Variants in PLEKHB2 observed in about 807,000 individuals in gnomAD.
PLEKHB2 encodes the protein pleckstrin homology domain containing B2, also known as pleckstrin homology domain-containing family B member 2.
Under a neutral mutation model 36.5 loss-of-function variants are expected in PLEKHB2, and 31 were observed. That is an observed-to-expected ratio of 0.85 (90% CI 0.64 to 1.15). PLEKHB2 has a LOEUF of 1.15. PLEKHB2 is among the 50% of genes most tolerant of loss of function. PLEKHB2 has a pLI of 0.00. For synonymous variants in PLEKHB2, 119 were observed against 112.0 expected, an observed-to-expected ratio of 1.06 and a Z score of -0.39; for missense variants, 262 against 295.3, an observed-to-expected ratio of 0.89 and a Z score of 0.83.
intron 5 of PLEKHB2, among the ~76,000 whole-genome samples, chr2:131,131,277 G>A (rs1697652104): frequency 6.6e-6 from 1 of 152,196 alleles, no homozygotes; most frequent in Non-Finnish European, 1.5e-5. Context: ...TTCCAGTGTT[G>A]CTTTCTAGAA....
At chr2:131,132,880 C>T in intron 5 of PLEKHB2, 22 bp from the exon 6 acceptor site, 1 of 1,437,750 alleles carries the variant, frequency 7.0e-7, no homozygotes, top group South Asian at 1.1e-5. Context: ...GTCCTGTCCT[C>T]ACCCTCTCCT....
At chr2:131,143,829 C>T (rs920902474) in intron 7 of PLEKHB2, among the ~76,000 whole-genome samples, 2 of 152,202 alleles carry the variant, frequency 1.3e-5, no homozygotes, top group African/African-American at 4.8e-5. Context: ...GGGCTGTTGC[C>T]GCTGTTTCTT....
chr2:131,118,044 G>A (rs1696063662), intron 1 of PLEKHB2, among the ~76,000 whole-genome samples: 1 of 152,190 alleles, frequency 6.6e-6, no homozygotes, highest in African/African-American at 2.4e-5. Flanking sequence ...CCATCATGCT[G>A]CTTAGTAGAA....
chr2:131,145,905 G>A lies in PLEKHB2; in HGVS notation c.533-732G>A, dbSNP rs556894390. ...GCAGTAAAAAAGAGTAGGCCGGGCC[G>A]GGCGTGGTGGCTCATGCCTGTAATC... On this transcript the variant is annotated intron_variant, in intron 7 of 7. Transcript: ENST00000693505. 3.9e-5 allele frequency among the ~76,000 whole-genome samples: 6 copies of A among 152,048 alleles called. No individual in the cohort carries two copies. In the South Asian group the frequency reaches 8.3e-4, roughly 21 times the overall value.
chr2:131,110,317 GTTT>G, intron 1 of PLEKHB2, among the ~76,000 whole-genome samples: 1 of 129,432 alleles, frequency 7.7e-6, no homozygotes, highest in African/African-American at 2.8e-5. Flanking sequence ...AGTCTGGACT[GTTT>G]TTTTTTTTTT....
Position 131,120,614 on chromosome 2 carries a change from C to G in PLEKHB2, c.-8-320C>G, listed in dbSNP as rs557681505. On this transcript the variant is annotated intron_variant, in intron 1 of 7. Coordinates refer to ENST00000693505, the MANE Select transcript of PLEKHB2 (RefSeq NM_001100623.2). Reference sequence around the variant, plus strand: ...GGCACCTCAGGGCTCCAGCAAGCCACGAGAATCCCCCATGTCCTTGACAGA... The same window carrying G: ...GGCACCTCAGGGCTCCAGCAAGCCAGGAGAATCCCCCATGTCCTTGACAGA... 1.3e-5 allele frequency: 5 copies of G among 399,462 alleles called. No individual in the cohort carries two copies. The Admixed American group carries it at 1.5e-4, about 12-fold the overall frequency. The allele number at this position is 399,462 out of a possible 1,614,324, so 24.7% of individuals were successfully genotyped here.
chr2:131,149,360 T>C lies in PLEKHB2; in HGVS notation c.*2587T>C, dbSNP rs910764806. ...GGTTTGAGTAAGCATTTTACTTCCA[T>C]GTGTACTTTTAAATAATCCATACCT... On this transcript the variant is annotated 3_prime_UTR_variant, in exon 8 of 8. Transcript: ENST00000693505. The C allele has an allele frequency of 6.6e-6, 1 of 152,262 alleles. No homozygotes were observed. The highest frequency in any genetic ancestry group is 2.4e-5 in the African/African-American group (1 of 41,464). 9.4% of individuals were successfully genotyped at this position (152,262 alleles called of 1,614,324 possible). A position where few individuals can be genotyped will look rare whatever the true frequency, so the allele number is the denominator to read the frequency against.
chr2:131,127,207 T>G (rs554105566), intron 4 of PLEKHB2: 2 of 171,118 alleles, frequency 1.2e-5, no homozygotes, highest in African/African-American at 4.8e-5. Context: ...AGGCTGGAAG[T>G]CTGGAATCAG....
rs1699340711 is a variant in PLEKHB2 at position 131,146,848 on chromosome 2, T to C, written c.*75T>C. 7.5e-7 allele frequency: 1 copy of C among 1,326,002 alleles called. No individual in the cohort carries two copies. Among genetic ancestry groups the C allele is most frequent in the Admixed American group, 2.5e-5 (1 of 40,306 alleles). The allele number at this position is 1,326,002 out of a possible 1,614,324, so 82.1% of individuals were successfully genotyped here. A position where few individuals can be genotyped will look rare whatever the true frequency, so the allele number is the denominator to read the frequency against. On this transcript the variant is annotated 3_prime_UTR_variant, in exon 8 of 8. Transcript: ENST00000693505. ...AATATGATTTGCAGGGCATTTCTGT[T>C]TGTGACAAAAGTTTTTAATAATAGT...
intron 4 of PLEKHB2, among the ~76,000 whole-genome samples, chr2:131,127,594 T>A (rs1432829078): frequency 6.6e-6 from 1 of 152,208 alleles, no homozygotes; most frequent in African/African-American, 2.4e-5. Flanking sequence ...AGAAAGATGG[T>A]GAAATGGATT....
chr2:131,122,045 C>T (rs1696574329), intron 2 of PLEKHB2, among the ~76,000 whole-genome samples: 1 of 152,006 alleles, frequency 6.6e-6, no homozygotes, highest in Non-Finnish European at 1.5e-5. Flanking sequence ...ATTACAGGCG[C>T]ACGCCACCAT....
chr2:131,105,866 C>A (rs1228549108), intron 1 of PLEKHB2, among the ~76,000 whole-genome samples: 1 of 152,198 alleles, frequency 6.6e-6, no homozygotes, highest in Non-Finnish European at 1.5e-5. Flanking sequence ...GGTCTCCCGG[C>A]GTCCGATCTC....
At chr2:131,138,826 G>A (rs1350312828) in intron 6 of PLEKHB2, among the ~76,000 whole-genome samples, 1 of 152,178 alleles carries the variant, frequency 6.6e-6, no homozygotes, top group African/African-American at 2.4e-5. Context: ...TCTGCTGGGT[G>A]GGAGTGGGGT....
intron 7 of PLEKHB2, among the ~76,000 whole-genome samples, chr2:131,143,916 C>T (rs1699032025): frequency 6.6e-6 from 1 of 152,196 alleles, no homozygotes; most frequent in South Asian, 2.1e-4. Context: ...TTGCCCTTGG[C>T]TCTCGTCAGT....
chr2:131,133,050 C>A, intron 6 of PLEKHB2, 59 bp downstream of exon 6: 2 of 1,093,348 alleles, frequency 1.8e-6, no homozygotes, highest in Non-Finnish European at 2.8e-6. Flanking sequence ...TGCTGTCCTG[C>A]TTTGTTTTGT....
intron 5 of PLEKHB2, 114 bp downstream of exon 5, chr2:131,130,874 G>A (rs1378366118): frequency 1.5e-5 from 11 of 723,426 alleles, no homozygotes; most frequent in East Asian, 1.3e-4. Context: ...TCTACCTCTC[G>A]GGCTCAAGTA....
In PLEKHB2 at chr2:131,146,110, C is replaced by T. The variant is rs532830210; in HGVS notation, c.533-527C>T. Among the ~76,000 whole-genome samples the T allele has an allele frequency of 1.4e-3, 208 of 150,906 alleles. 1 individual carries two copies. The highest frequency in any genetic ancestry group is 2.6e-3 in the Non-Finnish European group (178 of 67,870). On this transcript the variant is annotated intron_variant, in intron 7 of 7. Transcript: ENST00000693505. ...GGTGGGAGAATAGCTTGAACCTGGGCGGTGGAAGTTGCAGTGAGCTGAGAT... is the reference window on the plus strand; with the variant it reads ...GGTGGGAGAATAGCTTGAACCTGGGTGGTGGAAGTTGCAGTGAGCTGAGAT...
intron 2 of PLEKHB2, among the ~76,000 whole-genome samples, chr2:131,122,082 G>C (rs1696579157): frequency 6.6e-6 from 1 of 151,984 alleles, no homozygotes; most frequent in Non-Finnish European, 1.5e-5. Flanking sequence ...ATTTTTAGTA[G>C]AGACGGAGTT....
chr2:131,134,393 A>C (rs1223474734), intron 6 of PLEKHB2, among the ~76,000 whole-genome samples: 2 of 152,180 alleles, frequency 1.3e-5, no homozygotes, highest in African/African-American at 4.8e-5. Context: ...GTTAAAACTT[A>C]ACATGACAAA....
Sources: allele counts gnomAD v4.1 joint callset (sites outside exome capture counted in the v4.1 genomes callset), GRCh38; gene constraint gnomAD v4.1.1; transcripts MANE v1.5; gene names NCBI Gene and HGNC (gene_info 2026-07-23, HGNC 2026-07-21).